AGBL1: variants seen among roughly 807,000 people sequenced by gnomAD.
AGBL1 encodes AGBL carboxypeptidase 1, also known as cytosolic carboxypeptidase 4.
Under a neutral mutation model 118.9 loss-of-function variants are expected in AGBL1, and 130 were observed. The ratio of observed to expected loss-of-function variants is 1.09; its 90% confidence interval spans 0.95 to 1.26. The LOEUF (loss-of-function observed/expected upper bound fraction) is 1.26. Among genes scored for constraint, AGBL1 ranks in the 50% most tolerant of loss-of-function variants. The probability of loss-of-function intolerance (pLI) is 0.00; values close to 1 mark genes in which losing one functional copy is unlikely to be tolerated. For missense variants in AGBL1, 1,584 were observed against 1,298.1 expected, an observed-to-expected ratio of 1.22 and a Z score of -3.38; for synonymous variants, 555 against 478.9, an observed-to-expected ratio of 1.16 and a Z score of -2.08.
At chr15:86,962,362 C>A (rs1426248795) in intron 23 of AGBL1, among the ~76,000 whole-genome samples, 1 of 152,028 alleles carries the variant, frequency 6.6e-6, no homozygotes, top group African/African-American at 2.4e-5. Context: ...CCAGGAAGGA[C>A]ACATTTTTTA....
intron 22 of AGBL1, among the ~76,000 whole-genome samples, chr15:86,718,112 G>GA (rs993078019): frequency 3.3e-5 from 5 of 152,000 alleles, no homozygotes; most frequent in African/African-American, 1.2e-4. Flanking sequence ...AGAAACAGGA[G>GA]AAAAAATATT....
intron 21 of AGBL1, among the ~76,000 whole-genome samples, chr15:86,557,858 A>G (rs1291930480): frequency 2.0e-5 from 3 of 152,292 alleles, no homozygotes; most frequent in African/African-American, 7.2e-5. Context: ...CAAGCCCTCA[A>G]ATGATGATCC....
intron 18 of AGBL1, among the ~76,000 whole-genome samples, chr15:86,441,242 T>G (rs1039423972): frequency 2.0e-5 from 3 of 152,228 alleles, no homozygotes; most frequent in Non-Finnish European, 2.9e-5. Flanking sequence ...TGGATATAAT[T>G]ATCACTTGTT....
intron 22 of AGBL1, among the ~76,000 whole-genome samples, chr15:86,874,303 G>T (rs933364504): frequency 6.6e-6 from 1 of 151,662 alleles, no homozygotes; most frequent in African/African-American, 2.4e-5. Flanking sequence ...GAAAAATTAT[G>T]GTGCTATGCT....
intron 17 of AGBL1, among the ~76,000 whole-genome samples, chr15:86,339,582 A>G (rs1478661785): frequency 6.6e-6 from 1 of 152,182 alleles, no homozygotes; most frequent in African/African-American, 2.4e-5. Context: ...TTGCTCTATC[A>G]TCAAGGTAAC....
chr15:86,350,498 A>G lies in AGBL1; in HGVS notation c.2375-46868A>G, dbSNP rs528902799. Among the ~76,000 whole-genome samples, 102 of 152,332 alleles carry G rather than the reference A, an allele frequency of 6.7e-4. 2 individuals carry two copies. In the South Asian group the frequency reaches 0.019, roughly 29 times the overall value. ...TGGTCGGGTGTCATCTCTGTGTAAG[A>G]CAATGTTTCTGACCCGCCTTTGCTG... On this transcript the variant is annotated intron_variant, in intron 17 of 22. Coordinates refer to ENST00000614907, the MANE Select transcript of AGBL1 (RefSeq NM_001386094.1).
At chr15:86,936,229 A>AGTGTGT (rs1473166644) in intron 23 of AGBL1, among the ~76,000 whole-genome samples, 1 of 140,546 alleles carries the variant, frequency 7.1e-6, no homozygotes, top group African/African-American at 2.7e-5. Flanking sequence ...TGTAAACAGC[A>AGTGTGT]GTGTGTATGT....
chr15:86,772,364 C>G (rs150713079), intron 22 of AGBL1, among the ~76,000 whole-genome samples: 4 of 151,984 alleles, frequency 2.6e-5, no homozygotes, highest in Non-Finnish European at 4.4e-5. Flanking sequence ...TGTGGGAAAC[C>G]TATAAGAATA....
chr15:86,269,274 G>A (rs981693093), intron 13 of AGBL1, among the ~76,000 whole-genome samples: 5 of 152,166 alleles, frequency 3.3e-5, no homozygotes, highest in African/African-American at 1.2e-4. Context: ...GCTGGGGGAT[G>A]TATATTTACT....
intron 17 of AGBL1, among the ~76,000 whole-genome samples, chr15:86,334,158 T>C (rs2080320082): frequency 6.6e-6 from 1 of 152,082 alleles, no homozygotes; most frequent in Non-Finnish European, 1.5e-5. Flanking sequence ...CTATTCAACA[T>C]ACTACTGGAA....
At position 86,421,646 on chromosome 15, in the gene AGBL1, C is replaced by T. The variant is rs186138407; in HGVS notation, c.2555+24100C>T. Among the ~76,000 whole-genome samples the T allele has an allele frequency of 7.4e-4, 112 of 152,214 alleles. 1 individual carries two copies. Among genetic ancestry groups the T allele is most frequent in the South Asian group, 1.2e-3 (6 of 4,818 alleles). On this transcript the variant is annotated intron_variant, in intron 18 of 22. Coordinates refer to ENST00000614907, the MANE Select transcript of AGBL1 (RefSeq NM_001386094.1). ...TGGGCTAAATGCCCCAATTAAAAGA[C>T]AAAGACTGGCAAATTGGATAAAGAG...
chr15:86,743,251 G>A (rs1283108478), intron 22 of AGBL1, among the ~76,000 whole-genome samples: 2 of 152,006 alleles, frequency 1.3e-5, no homozygotes, highest in African/African-American at 4.8e-5. Flanking sequence ...TTGACTTTGC[G>A]ATTATTTTTG....
At chr15:86,481,110 A>G (rs1460232488) in intron 18 of AGBL1, among the ~76,000 whole-genome samples, 1 of 148,198 alleles carries the variant, frequency 6.7e-6, no homozygotes, top group South Asian at 2.2e-4. Context: ...CTTGAACATA[A>G]CAGTTGAAGG....
At chr15:86,231,664 A>G (rs2078457135) in intron 6 of AGBL1, among the ~76,000 whole-genome samples, 1 of 152,170 alleles carries the variant, frequency 6.6e-6, no homozygotes, top group Non-Finnish European at 1.5e-5. Context: ...GAGATTTTAT[A>G]ATCCCCATTT....
At chr15:86,625,367 TTTTTTTTTTTTGTTTTTG>T (rs779743891) in intron 21 of AGBL1, among the ~76,000 whole-genome samples, 633 of 56,934 alleles carry the variant, frequency 0.011, 62 homozygotes, top group African/African-American at 0.027. Context: ...AAATTAGCGT[TTTTTTTTTTTTGTTTTTG>T]TTTTTTTTTT....
intron 5 of AGBL1, among the ~76,000 whole-genome samples, chr15:86,191,308 A>G (rs1232495828): frequency 7.1e-6 from 1 of 140,070 alleles, no homozygotes; most frequent in African/African-American, 2.7e-5. Context: ...AGATTGCACC[A>G]TTGCATTCCA....
chr15:86,376,006 C>A lies in AGBL1; in HGVS notation c.2375-21360C>A, dbSNP rs549220944. Reference sequence around the variant, plus strand: ...ATGGACAAGTTGGTGTGTCTTAAATCAAGTTGGATCTGAGTAGGCATTTAT... The same window carrying A: ...ATGGACAAGTTGGTGTGTCTTAAATAAAGTTGGATCTGAGTAGGCATTTAT... On this transcript the variant is annotated intron_variant, in intron 17 of 22. Transcript: ENST00000614907. Among the ~76,000 whole-genome samples, 56 of 152,298 alleles carry A rather than the reference C, an allele frequency of 3.7e-4. 1 individual carries two copies. In the South Asian group the frequency reaches 0.012, roughly 32 times the overall value.
rs565703880 is a variant in AGBL1 at position 86,492,695 on chromosome 15, C to A, written c.2556-30115C>A. Among the ~76,000 whole-genome samples, 16 of 151,160 alleles carry A rather than the reference C, an allele frequency of 1.1e-4. No individual in the cohort carries two copies. The South Asian group carries it at 3.4e-3, about 32-fold the overall frequency. ...TAGGAAACCATTGATGAGTTTTAAG[C>A]AAGTGTGTGTTAAGATAAAATAAAT... On this transcript the variant is annotated intron_variant, in intron 18 of 22. Coordinates refer to ENST00000614907, the MANE Select transcript of AGBL1 (RefSeq NM_001386094.1).
intron 17 of AGBL1, among the ~76,000 whole-genome samples, chr15:86,394,000 G>C (rs1396859970): frequency 6.6e-6 from 1 of 152,108 alleles, no homozygotes; most frequent in South Asian, 2.1e-4. Context: ...GAATTTGCTG[G>C]CACCGTAATC....
Sources: gnomAD v4.1 joint callset for allele counts (sites outside exome capture counted in the v4.1 genomes callset) on GRCh38, gnomAD v4.1.1 for gene constraint, MANE v1.5 for transcripts, NCBI Gene and HGNC (gene_info 2026-07-23, HGNC 2026-07-21) for gene names.